Variants in PROM1 observed in about 807,000 individuals in gnomAD.
PROM1 encodes the protein prominin 1, also known as prominin-1.
Under a neutral mutation model 116.9 loss-of-function variants are expected in PROM1, and 105 were observed. The ratio of observed to expected loss-of-function variants is 0.90; its 90% confidence interval spans 0.77 to 1.06. PROM1 has a LOEUF of 1.06. Among genes scored for constraint, PROM1 ranks in the 50% least tolerant of loss-of-function variants. The pLI is 0.00. For synonymous variants in PROM1, 393 were observed against 387.0 expected (o/e 1.02, Z -0.18); for missense variants, 1,122 against 1,045.2 (o/e 1.07, Z -1.01).
At chr4:15,986,643 G>A (rs1323014960) in intron 20 of PROM1, among the ~76,000 whole-genome samples, 1 of 152,170 alleles carries the variant, frequency 6.6e-6, no homozygotes, top group Non-Finnish European at 1.5e-5. Context: ...CCCTCGCCCT[G>A]TTCACAGAGG....
intron 24 of PROM1, 193 bp downstream of exon 24, chr4:15,980,229 T>G (rs1717405033): frequency 3.4e-6 from 2 of 587,446 alleles, no homozygotes; most frequent in Middle Eastern, 5.5e-4. Flanking sequence ...AGGAAAAAAG[T>G]AGTTAAAACA....
chr4:16,024,142 G>C (rs556466065), intron 7 of PROM1, among the ~76,000 whole-genome samples, 153 bp downstream of exon 7: 1 of 152,278 alleles, frequency 6.6e-6, no homozygotes, highest in South Asian at 2.1e-4. Flanking sequence ...GATTCTAATC[G>C]CTGAGTAACA....
chr4:16,033,376 C>T lies in PROM1; in HGVS notation c.437G>A (p.Arg146Gln), dbSNP rs202210448. Residue 146 changes from arginine to glutamine, a missense_variant, in exon 5 of 28, where the codon CGA becomes CAA. Arg to Gln is a conservative substitution (Grantham distance 43). Coordinates refer to ENST00000447510, the MANE Select transcript of PROM1 (RefSeq NM_006017.3). ...CNKCGGEMHQ[R>Q]QKENGPFLRK... ...CAGGAAGGGCCCATTTTCCTTCTGT[C>T]GCTGGTGCATTTCTCCACCACATTT... The T allele has an allele frequency of 5.5e-5, 88 of 1,613,822 alleles. No individual in the cohort carries two copies. The highest frequency in any genetic ancestry group is 4.0e-5 in the African/African-American group (3 of 74,988).
chr4:16,078,327 A>C (rs745699704), intron 1 of PROM1: 2 of 152,334 alleles, frequency 1.3e-5, no homozygotes, highest in South Asian at 4.1e-4. Flanking sequence ...AAATAGCAGC[A>C]GAGTCACCAA....
chr4:16,062,724 C>A (rs1740632699), intron 2 of PROM1, among the ~76,000 whole-genome samples: 1 of 152,186 alleles, frequency 6.6e-6, no homozygotes, highest in South Asian at 2.1e-4. Flanking sequence ...AAACTTCTAA[C>A]AATTAACGCC....
In PROM1 at chr4:15,994,127, TC is replaced by T. The variant is rs946430303; in HGVS notation, c.1683-57del. The T allele has an allele frequency of 3.1e-6, 5 of 1,608,880 alleles. No individual in the cohort carries two copies. The African/African-American group carries it at 6.7e-5, about 22-fold the overall frequency. ...AGAAAAGCTGTTGCAGCTACCTCTGTCCACCACTGAAGATGAGGAGAAAGGC... is the reference window on the plus strand; with the variant it reads ...AGAAAAGCTGTTGCAGCTACCTCTGTCACCACTGAAGATGAGGAGAAAGGC... On this transcript the variant is annotated intron_variant, in intron 15 of 27. Transcript: ENST00000447510.
Position 15,992,275 on chromosome 4 carries a change from T to G in PROM1, c.1884A>C (p.Arg628Ser). ...GAGCCAAGTAGCTGTCATAATTCAT[T>G]CTGTCTATTCCACAAGCAGCAAAAT... ...LQDFAACGIDRMNYDSYLAQT... is the reference protein window; with the variant it reads ...LQDFAACGIDSMNYDSYLAQT... The change falls in exon 17 of 28, where the codon AGA becomes AGC. Residue 628 changes from arginine to serine, a missense_variant. Coordinates refer to ENST00000447510, the MANE Select transcript of PROM1 (RefSeq NM_006017.3). 6.2e-7 allele frequency: 1 copy of G among 1,613,930 alleles called. No homozygotes were observed. Among genetic ancestry groups the G allele is most frequent in the Non-Finnish European group, 8.5e-7 (1 of 1,179,856 alleles).
At chr4:16,004,835 TC>T (rs1189006323) in intron 13 of PROM1, among the ~76,000 whole-genome samples, 1,057 of 62,028 alleles carry the variant, frequency 0.017, 16 homozygotes, top group South Asian at 0.034. Flanking sequence ...TTCTTTTTCT[TC>T]CTTCCTTCCT....
chr4:16,003,427 A>C lies in PROM1; in HGVS notation c.1455-2808T>G, dbSNP rs186615536. 2.0e-5 allele frequency: 9 copies of C among 456,634 alleles called. No individual in the cohort carries two copies. The Admixed American group carries it at 2.1e-4, about 11-fold the overall frequency. The allele number at this position is 456,634 out of a possible 1,614,324, so 28.3% of individuals were successfully genotyped here. On this transcript the variant is annotated intron_variant, in intron 13 of 27. Coordinates refer to ENST00000447510, the MANE Select transcript of PROM1 (RefSeq NM_006017.3). ...CAGCCCTTGCTATATAGCCTGACAA[A>C]CTGCTTTCCATAACCTCAGAAACTG...
intron 2 of PROM1, among the ~76,000 whole-genome samples, chr4:16,051,931 A>G (rs547476066): frequency 6.6e-6 from 1 of 152,354 alleles, no homozygotes; most frequent in African/African-American, 2.4e-5. Context: ...GACATCTTCT[A>G]ATTTGCTTTG....
intron 23 of PROM1, among the ~76,000 whole-genome samples, chr4:15,983,429 T>G (rs1718468229): frequency 6.6e-6 from 1 of 152,176 alleles, no homozygotes. Flanking sequence ...GAATTTTCAT[T>G]CAGAGTTGAT....
intron 15 of PROM1, among the ~76,000 whole-genome samples, chr4:15,996,653 A>T (rs904480446): frequency 1.3e-5 from 2 of 152,264 alleles, no homozygotes; most frequent in African/African-American, 2.4e-5. Context: ...AAATATTTTT[A>T]AAAAGTACAA....
At chr4:16,059,777 A>G (rs1194459236) in intron 2 of PROM1, among the ~76,000 whole-genome samples, 1 of 152,158 alleles carries the variant, frequency 6.6e-6, no homozygotes, top group African/African-American at 2.4e-5. Context: ...CATATTTGTG[A>G]AATAACTAAA....
In PROM1 at chr4:16,015,745, G is replaced by A. The variant is rs566386408; in HGVS notation, c.1077+421C>T. Among the ~76,000 whole-genome samples the A allele has an allele frequency of 5.9e-5, 9 of 151,950 alleles. No homozygotes were observed. The East Asian group carries it at 1.8e-3, about 30-fold the overall frequency. On this transcript the variant is annotated intron_variant, in intron 10 of 27. Coordinates refer to ENST00000447510, the MANE Select transcript of PROM1 (RefSeq NM_006017.3). The stretch of plus-strand genomic sequence containing the variant: ...AACTAAGTAGCTAGCTACTTGGAGA[G>A]GGGAAAAGAAGAGAGTGCCAAGCAG...
In PROM1 at chr4:15,979,868, TA is replaced by T; in HGVS notation, c.2513+12del. On this transcript the variant is annotated intron_variant, in intron 25 of 27. Coordinates refer to ENST00000447510, the MANE Select transcript of PROM1 (RefSeq NM_006017.3). The stretch of plus-strand genomic sequence containing the variant: ...ATCCCATCTAGGAATATAGTTTTTT[TA>T]AAAAGGCTTACTTTTTCATGGGTAT... The T allele has an allele frequency of 1.4e-6, 2 of 1,446,682 alleles. No homozygotes were observed. Among genetic ancestry groups the T allele is most frequent in the Non-Finnish European group, 1.9e-6 (2 of 1,057,426 alleles). 89.6% of individuals were successfully genotyped at this position (1,446,682 alleles called of 1,614,324 possible). A position where few individuals can be genotyped will look rare whatever the true frequency, so the allele number is the denominator to read the frequency against.
intron 2 of PROM1, among the ~76,000 whole-genome samples, chr4:16,049,421 A>G (rs535985604): frequency 1.3e-5 from 2 of 152,156 alleles, no homozygotes; most frequent in Non-Finnish European, 2.9e-5. Context: ...GATTTTCCTT[A>G]TATATAGTTT....
At chr4:16,050,346 G>T (rs1346998104) in intron 2 of PROM1, among the ~76,000 whole-genome samples, 2 of 152,046 alleles carry the variant, frequency 1.3e-5, no homozygotes, top group African/African-American at 2.4e-5. Flanking sequence ...CTGATACAGG[G>T]TGTTTGTTTG....
chr4:16,045,328 T>A (rs566911951), intron 2 of PROM1, among the ~76,000 whole-genome samples: 2 of 152,112 alleles, frequency 1.3e-5, no homozygotes, highest in South Asian at 2.1e-4. Flanking sequence ...TATTCTTCTC[T>A]CAGCCAAATA....
chr4:16,024,448 T>C (rs1462379979), intron 6 of PROM1, 90 bp from the exon 7 acceptor site: 5 of 1,079,370 alleles, frequency 4.6e-6, no homozygotes, highest in Admixed American at 2.9e-5. Context: ...AAAGTTTTCC[T>C]GAATCAGGAC....
Sources: gnomAD v4.1 joint callset for allele counts (sites outside exome capture counted in the v4.1 genomes callset) on GRCh38, gnomAD v4.1.1 for gene constraint, MANE v1.5 for transcripts, NCBI Gene and HGNC (gene_info 2026-07-23, HGNC 2026-07-21) for gene names.